The following SLC4A7 variants were observed in gnomAD, a reference collection of about 807,000 sequenced individuals.
SLC4A7 encodes the protein solute carrier family 4 member 7, also known as sodium bicarbonate cotransporter 3.
SLC4A7 carries 51 observed loss-of-function variants against 137.6 expected under a neutral mutation model. That is an observed-to-expected ratio of 0.37 (90% confidence interval 0.30 to 0.47). SLC4A7 has a LOEUF of 0.47. Among genes scored for constraint, SLC4A7 ranks in the 20% least tolerant of loss-of-function variants. The probability of loss-of-function intolerance (pLI) is 1.00; values close to 1 mark genes in which losing one functional copy is unlikely to be tolerated. For missense variants in SLC4A7, 1,247 were observed against 1,525.4 expected (o/e 0.82, Z 3.04); for synonymous variants, 542 against 518.6 (o/e 1.05, Z -0.61).
At chr3:27,405,533 T>C (rs955992410) in intron 13 of SLC4A7, among the ~76,000 whole-genome samples, 6 of 152,196 alleles carry the variant, frequency 3.9e-5, no homozygotes, top group East Asian at 1.9e-4. Flanking sequence ...TGAATACTTT[T>C]ATATGGCTGA....
chr3:27,422,647 C>A, intron 8 of SLC4A7: 2 of 348,232 alleles, frequency 5.7e-6, no homozygotes, highest in South Asian at 2.2e-5. Context: ...TAAAATTTAG[C>A]TTTCTGTGTA....
intron 1 of SLC4A7, among the ~76,000 whole-genome samples, chr3:27,464,156 A>G (rs2058848814): frequency 6.6e-6 from 1 of 152,212 alleles, no homozygotes; most frequent in Non-Finnish European, 1.5e-5. Context: ...CCTGGGAGCA[A>G]GACTCCGTCT....
intron 1 of SLC4A7, among the ~76,000 whole-genome samples, chr3:27,476,900 T>C (rs2059484770): frequency 6.6e-6 from 1 of 152,174 alleles, no homozygotes; most frequent in South Asian, 2.1e-4. Flanking sequence ...TGAACAAATA[T>C]ATTTGTTCAA....
rs137966341 is a variant in SLC4A7, at chr3:27,466,842, G to C, written c.61-14344C>G. On this transcript the variant is annotated intron_variant, in intron 1 of 25. Transcript: ENST00000454389. Reference sequence around the variant, plus strand: ...ACTGCACTCCAGCTTGGGCAAAAGAGCAAGACTCCATCTCAAGAAAAAAAA... The same window carrying C: ...ACTGCACTCCAGCTTGGGCAAAAGACCAAGACTCCATCTCAAGAAAAAAAA... Among the ~76,000 whole-genome samples the C allele has an allele frequency of 4.1e-3, 618 of 152,018 alleles. 3 individuals carry two copies. The highest frequency in any genetic ancestry group is 0.014 in the Middle Eastern group (4 of 294).
chr3:27,388,136 T>G (rs531284509), intron 22 of SLC4A7, among the ~76,000 whole-genome samples: 1 of 152,326 alleles, frequency 6.6e-6, no homozygotes, highest in Non-Finnish European at 1.5e-5. Flanking sequence ...TAAAATCACT[T>G]GGGTTAATAG....
chr3:27,444,476 T>A (rs543082400), intron 3 of SLC4A7, among the ~76,000 whole-genome samples: 1 of 152,344 alleles, frequency 6.6e-6, no homozygotes, highest in Admixed American at 6.5e-5. Context: ...AAATTACTGA[T>A]GCTCCCTTCA....
intron 1 of SLC4A7, 33 bp downstream of exon 1, chr3:27,484,034 T>G (rs1283636560): frequency 4.7e-5 from 65 of 1,375,582 alleles, no homozygotes; most frequent in Non-Finnish European, 6.1e-5. Flanking sequence ...GCCCTCCCCC[T>G]GCGGAGGAGC....
intron 1 of SLC4A7, among the ~76,000 whole-genome samples, chr3:27,465,697 C>T (rs2058948825): frequency 6.6e-6 from 1 of 151,794 alleles, no homozygotes; most frequent in Non-Finnish European, 1.5e-5. Flanking sequence ...CCGTGGCTCA[C>T]GCCTGTAATC....
At chr3:27,421,914 T>G (rs1576356129) in intron 8 of SLC4A7, 135 bp from the exon 9 acceptor site, 1 of 650,054 alleles carries the variant, frequency 1.5e-6, no homozygotes, top group Non-Finnish European at 2.6e-6. Context: ...GTTTAAAATG[T>G]CAAAATTTTC....
intron 3 of SLC4A7, among the ~76,000 whole-genome samples, chr3:27,444,744 T>A (rs1334228329): frequency 3.9e-5 from 6 of 152,188 alleles, no homozygotes; most frequent in Non-Finnish European, 8.8e-5. Flanking sequence ...GCTTTAACAT[T>A]CTTATTTTCT....
chr3:27,379,824 A>T (rs946031043), intron 24 of SLC4A7, among the ~76,000 whole-genome samples: 10 of 152,228 alleles, frequency 6.6e-5, no homozygotes, highest in Non-Finnish European at 1.3e-4. Flanking sequence ...TGATTTTTAA[A>T]ATCTTATTTT....
chr3:27,474,721 G>A (rs184785401), intron 1 of SLC4A7, among the ~76,000 whole-genome samples: 50 of 152,246 alleles, frequency 3.3e-4, no homozygotes, highest in African/African-American at 1.1e-3. Flanking sequence ...GAGACAGTGC[G>A]AGCCTCTGTC....
intron 2 of SLC4A7, among the ~76,000 whole-genome samples, chr3:27,449,190 G>A (rs1182111889): frequency 4.6e-5 from 7 of 151,762 alleles, no homozygotes; most frequent in African/African-American, 1.5e-4. Context: ...ATGAGCCACC[G>A]CACCTGGCCT....
chr3:27,452,588 AAC>A, intron 1 of SLC4A7, 90 bp from the exon 2 acceptor site: 1 of 681,796 alleles, frequency 1.5e-6, no homozygotes, highest in South Asian at 2.3e-5. Flanking sequence ...CAAAATATAA[AAC>A]AGACTGCTTT....
At chr3:27,444,963 T>C (rs1442652361) in intron 3 of SLC4A7, among the ~76,000 whole-genome samples, 3 of 152,236 alleles carry the variant, frequency 2.0e-5, no homozygotes, top group African/African-American at 4.8e-5. Context: ...TTTCAAGACC[T>C]GCCTTTAAGA....
At chr3:27,424,479 A>T in intron 7 of SLC4A7, 1 of 179,870 alleles carries the variant, frequency 5.6e-6, no homozygotes, top group Non-Finnish European at 1.1e-5. Context: ...ATACTTAGGG[A>T]ATATACTTTT....
chr3:27,421,799 T>A lies in SLC4A7; in HGVS notation c.1267-20A>T. On this transcript the variant is annotated intron_variant, in intron 8 of 25. Transcript: ENST00000454389. ...ATCAACCTATTGACAAATAAATAAT[T>A]AAAAATAAAGTTTCCGTGGTATTTG... 6.3e-7 allele frequency: 1 copy of A among 1,586,154 alleles called. No individual in the cohort carries two copies. The highest frequency in any genetic ancestry group is 8.6e-7 in the Non-Finnish European group (1 of 1,160,656).
chr3:27,390,788 G>A (rs1222117355), intron 21 of SLC4A7, among the ~76,000 whole-genome samples: 2 of 152,190 alleles, frequency 1.3e-5, no homozygotes, highest in African/African-American at 2.4e-5. Flanking sequence ...GTCATGTAGC[G>A]CTAACTGTGC....
intron 3 of SLC4A7, 151 bp from the exon 4 acceptor site, chr3:27,437,677 G>GT (rs1201687028): frequency 3.6e-5 from 14 of 384,252 alleles, no homozygotes; most frequent in Non-Finnish European, 5.8e-5. Context: ...TCACAATTCT[G>GT]AAAGGAAACA....
Sources: gnomAD v4.1 joint callset for allele counts (sites outside exome capture counted in the v4.1 genomes callset) on GRCh38, gnomAD v4.1.1 for gene constraint, MANE v1.5 for transcripts, NCBI Gene and HGNC (gene_info 2026-07-23, HGNC 2026-07-21) for gene names.